The following AJAP1 variants were observed in gnomAD, a reference collection of about 807,000 sequenced individuals.
AJAP1 encodes adherens junctions associated protein 1, also known as adherens junction-associated protein 1.
AJAP1 carries 5 observed loss-of-function variants against 35.0 expected under a neutral mutation model. The observed-to-expected ratio is 0.14, with a 90% CI of 0.07 to 0.30. The LOEUF (loss-of-function observed/expected upper bound fraction) is 0.30. Among genes scored for constraint, AJAP1 ranks in the 10% least tolerant of loss-of-function variants. AJAP1 has a pLI of 1.00. For missense variants in AJAP1, 586 were observed against 571.0 expected (o/e 1.03, Z -0.27); for synonymous variants, 284 against 249.3 (o/e 1.14, Z -1.31).
At chr1:4,674,337 G>A (rs1639315938) in intron 1 of AJAP1, among the ~76,000 whole-genome samples, 3 of 152,174 alleles carry the variant, frequency 2.0e-5, no homozygotes, top group African/African-American at 7.2e-5. Context: ...GCCTGACTTT[G>A]TAAACAAAGT....
intron 2 of AJAP1, among the ~76,000 whole-genome samples, chr1:4,724,468 T>G (rs1420932209): frequency 6.6e-6 from 1 of 152,184 alleles, no homozygotes; most frequent in East Asian, 1.9e-4. Context: ...CTGGGTGGTT[T>G]GTCTCCATCG....
chr1:4,746,720 G>T (rs1641196413), intron 2 of AJAP1, among the ~76,000 whole-genome samples: 1 of 152,226 alleles, frequency 6.6e-6, no homozygotes, highest in Non-Finnish European at 1.5e-5. Flanking sequence ...CAGCTCAGCA[G>T]GCAGCCTCTG....
chr1:4,677,053 A>G (rs1371439182), intron 1 of AJAP1, among the ~76,000 whole-genome samples: 3 of 152,166 alleles, frequency 2.0e-5, no homozygotes, highest in Admixed American at 2.0e-4. Context: ...GGTACTTGGG[A>G]GGCTGAGGCA....
chr1:4,760,010 C>T (rs986914441), intron 2 of AJAP1, among the ~76,000 whole-genome samples: 2 of 152,266 alleles, frequency 1.3e-5, no homozygotes, highest in South Asian at 4.1e-4. Context: ...CGACTTCCTT[C>T]CCCCCAGCAC....
At chr1:4,665,742 G>A (rs1639101511) in intron 1 of AJAP1, among the ~76,000 whole-genome samples, 1 of 152,222 alleles carries the variant, frequency 6.6e-6, no homozygotes, top group East Asian at 1.9e-4. Context: ...CTTTCATGCA[G>A]CAGACACGGA....
At position 4,692,298 on chromosome 1, in the gene AJAP1, G is replaced by A. The variant is rs1014791948; in HGVS notation, c.30-19602G>A. Among the ~76,000 whole-genome samples, 2 of 152,106 alleles carry A rather than the reference G, an allele frequency of 1.3e-5. No individual in the cohort carries two copies. Among genetic ancestry groups the A allele is most frequent in the South Asian group, 2.1e-4 (1 of 4,828 alleles). On this transcript the variant is annotated intron_variant, in intron 1 of 5. Coordinates refer to ENST00000378191, the MANE Select transcript of AJAP1 (RefSeq NM_018836.4). The surrounding 1 kb of genome is among the most constrained non-coding windows in gnomAD (Gnocchi z 4.4). The stretch of plus-strand genomic sequence containing the variant: ...GGGCTTCTCGGGCTCCTCACCCCGC[G>A]CCCTGGGCTGCTCTCCTCTCTCCGT...
At chr1:4,772,893 C>T (rs1013134933) in intron 4 of AJAP1, among the ~76,000 whole-genome samples, 1 of 152,136 alleles carries the variant, frequency 6.6e-6, no homozygotes, top group Non-Finnish European at 1.5e-5. Context: ...TCACAACAGC[C>T]CCCCGACCGG....
At chr1:4,691,227 G>T (rs1007078422) in intron 1 of AJAP1, among the ~76,000 whole-genome samples, 2 of 152,172 alleles carry the variant, frequency 1.3e-5, no homozygotes, top group African/African-American at 4.8e-5. Flanking sequence ...AGCATCTGGG[G>T]CTGGGGTGTC....
At chr1:4,760,642 G>A (rs927105480) in intron 2 of AJAP1, among the ~76,000 whole-genome samples, 7 of 152,214 alleles carry the variant, frequency 4.6e-5, no homozygotes, top group African/African-American at 1.7e-4. Flanking sequence ...CGCATTCTCT[G>A]AATGCAGGTC....
intron 1 of AJAP1, among the ~76,000 whole-genome samples, chr1:4,661,397 G>A (rs1343986058): frequency 6.6e-6 from 1 of 152,208 alleles, no homozygotes; most frequent in Non-Finnish European, 1.5e-5. Context: ...GTTCCTCAGG[G>A]TGGCCCTGCA....
intron 1 of AJAP1, among the ~76,000 whole-genome samples, chr1:4,669,494 G>C (rs565403926): frequency 6.6e-6 from 1 of 152,194 alleles, no homozygotes; most frequent in South Asian, 2.1e-4. Flanking sequence ...GAAATTCCAG[G>C]CGCTTATAAA....
chr1:4,730,386 G>C (rs1394517868), intron 2 of AJAP1, among the ~76,000 whole-genome samples: 1 of 152,196 alleles, frequency 6.6e-6, no homozygotes, highest in African/African-American at 2.4e-5. Context: ...CCAGAGCCAG[G>C]CTGAATCCGC....
chr1:4,664,689 G>A (rs947016257), intron 1 of AJAP1, among the ~76,000 whole-genome samples: 45 of 152,172 alleles, frequency 3.0e-4, no homozygotes, highest in African/African-American at 8.2e-4. Context: ...CATCTGCCTG[G>A]CTCTCATTTG....
At chr1:4,697,240 C>T (rs1639884305) in intron 1 of AJAP1, among the ~76,000 whole-genome samples, 1 of 152,236 alleles carries the variant, frequency 6.6e-6, no homozygotes, top group Non-Finnish European at 1.5e-5. Context: ...TGTGTGTGTG[C>T]ATTATGCACA....
intron 5 of AJAP1, among the ~76,000 whole-genome samples, chr1:4,781,119 G>A (rs1429741942): frequency 1.3e-5 from 2 of 152,184 alleles, no homozygotes; most frequent in African/African-American, 2.4e-5. Flanking sequence ...GATCAGGGAC[G>A]CAGTGCTGTG....
intron 1 of AJAP1, 109 bp from the exon 2 acceptor site, chr1:4,711,791 A>G (rs1245256859): frequency 1.2e-6 from 1 of 843,724 alleles, no homozygotes; most frequent in Non-Finnish European, 1.8e-6. Context: ...TCTTTCCAGA[A>G]GAAGAGAGCG....
rs1642076521 is a variant in AJAP1, at chr1:4,782,151, G to C, written c.*60-394G>C. Among the ~76,000 whole-genome samples the C allele has an allele frequency of 6.6e-6, 1 of 152,208 alleles. No homozygotes were observed. The highest frequency in any genetic ancestry group is 2.1e-4 in the South Asian group (1 of 4,824). ...CCTCCATGGGAGGAAACTGGACAGA[G>C]AGTGAGAGCAGGGCTGCCACACGCA... On this transcript the variant is annotated intron_variant, in intron 5 of 5. Transcript: ENST00000378191. The surrounding 1 kb of genome is among the most constrained non-coding windows in gnomAD (Gnocchi z 5.3).
chr1:4,730,459 C>T (rs1640773258), intron 2 of AJAP1, among the ~76,000 whole-genome samples: 1 of 152,106 alleles, frequency 6.6e-6, no homozygotes, highest in South Asian at 2.1e-4. Context: ...TCCTCTTGAT[C>T]CCTCTCATTT....
intron 5 of AJAP1, among the ~76,000 whole-genome samples, chr1:4,779,476 A>G (rs1308563512): frequency 6.6e-6 from 1 of 152,036 alleles, no homozygotes; most frequent in Non-Finnish European, 1.5e-5. Flanking sequence ...GATAAAGTCT[A>G]CATGGGAACA....
Sources: gnomAD v4.1 joint callset for allele counts (sites outside exome capture counted in the v4.1 genomes callset) on GRCh38, gnomAD v4.1.1 for gene constraint, Gnocchi (gnomAD v3.1) non-coding constraint, MANE v1.5 for transcripts, NCBI Gene and HGNC (gene_info 2026-07-23, HGNC 2026-07-21) for gene names.